PSMD14: variants seen among roughly 807,000 people sequenced by gnomAD.
PSMD14 encodes ubiquitin C-terminal hydrolase PSMD14.
Under a neutral mutation model 41.2 loss-of-function variants are expected in PSMD14, and 7 were observed. The ratio of observed to expected loss-of-function variants is 0.17; its 90% CI spans 0.10 to 0.32. PSMD14 has a LOEUF of 0.32. Ranked by LOEUF, PSMD14 falls within the 10% of genes least tolerant of loss-of-function variation. The probability of loss-of-function intolerance (pLI) is 1.00; values close to 1 mark genes in which losing one functional copy is unlikely to be tolerated. For missense variants in PSMD14, 139 were observed against 375.6 expected, an observed-to-expected ratio of 0.37 and a Z score of 5.21; for synonymous variants, 114 against 122.3, an observed-to-expected ratio of 0.93 and a Z score of 0.45.
intron 9 of PSMD14, 27 bp downstream of exon 9, chr2:161,391,205 A>C: frequency 6.7e-7 from 1 of 1,485,188 alleles, no homozygotes. Context: ...ATCTTATAGG[A>C]GGAAAAAAAT....
rs996965491 is a variant in PSMD14 at position 161,310,515 on chromosome 2, T to G, written c.-138+1911T>G. 5.9e-4 allele frequency among the ~76,000 whole-genome samples: 90 copies of G among 152,220 alleles called. 1 individual carries two copies. Among genetic ancestry groups the G allele is most frequent in the African/African-American group, 2.1e-3 (89 of 41,454 alleles). On this transcript the variant is annotated intron_variant, in intron 1 of 11. Transcript: ENST00000409682. ...TTTTGACATTTCGTATTCTGCTTTG[T>G]GTGTGATACTTTGGTGACCTTATTT...
At chr2:161,395,826 A>C (rs1683786016) in intron 10 of PSMD14, among the ~76,000 whole-genome samples, 1 of 152,230 alleles carries the variant, frequency 6.6e-6, no homozygotes, top group Non-Finnish European at 1.5e-5. Flanking sequence ...CTTTATTTAT[A>C]GGAAAACAGG....
intron 10 of PSMD14, among the ~76,000 whole-genome samples, chr2:161,401,423 G>A (rs79998242): frequency 8.5e-5 from 13 of 152,318 alleles, no homozygotes; most frequent in Admixed American, 6.5e-4. Context: ...TTGACAGAAC[G>A]TAGTTAAATG....
At chr2:161,381,469 A>T (rs952897485) in intron 7 of PSMD14, 4 of 151,866 alleles carry the variant, frequency 2.6e-5, no homozygotes, top group Non-Finnish European at 5.9e-5. Flanking sequence ...AGCTACTGCC[A>T]GAAGTGTTTG....
At chr2:161,337,525 A>G (rs556614260) in intron 3 of PSMD14, among the ~76,000 whole-genome samples, 7 of 152,330 alleles carry the variant, frequency 4.6e-5, no homozygotes, top group African/African-American at 1.7e-4. Context: ...TGGTCTTTCT[A>G]ATTCTAAAGT....
At chr2:161,330,755 C>T (rs570128300) in intron 3 of PSMD14, among the ~76,000 whole-genome samples, 9 of 152,250 alleles carry the variant, frequency 5.9e-5, no homozygotes, top group East Asian at 3.9e-4. Context: ...TGCACAGGCT[C>T]TTCCCTTCAG....
intron 10 of PSMD14, 39 bp downstream of exon 10, chr2:161,395,242 G>A: frequency 6.7e-7 from 1 of 1,485,468 alleles, no homozygotes; most frequent in Non-Finnish European, 9.1e-7. Flanking sequence ...TATAATCTTT[G>A]GAATATGTAT....
chr2:161,329,718 G>A (rs886117976), intron 3 of PSMD14, among the ~76,000 whole-genome samples: 2 of 152,056 alleles, frequency 1.3e-5, no homozygotes, highest in Non-Finnish European at 2.9e-5. Flanking sequence ...CTTATTTGCT[G>A]CTCTTGTGAG....
chr2:161,356,014 A>C (rs567327411), intron 3 of PSMD14, among the ~76,000 whole-genome samples: 1 of 152,016 alleles, frequency 6.6e-6, no homozygotes, highest in East Asian at 1.9e-4. Context: ...TCTCTTCTGA[A>C]TAATATAGTC....
intron 3 of PSMD14, among the ~76,000 whole-genome samples, chr2:161,337,438 G>A (rs1321243867): frequency 2.6e-5 from 4 of 152,168 alleles, no homozygotes; most frequent in Non-Finnish European, 4.4e-5. Flanking sequence ...CCAGTACCAC[G>A]TGGTATGATT....
intron 4 of PSMD14, 107 bp from the exon 5 acceptor site, chr2:161,367,677 A>T: frequency 7.5e-7 from 1 of 1,336,960 alleles, no homozygotes; most frequent in Non-Finnish European, 9.7e-7. Context: ...ACATTTATAA[A>T]AGGAGTTTTT....
intron 7 of PSMD14, among the ~76,000 whole-genome samples, chr2:161,377,058 C>A (rs1683512028): frequency 6.7e-6 from 1 of 148,956 alleles, no homozygotes; most frequent in Non-Finnish European, 1.5e-5. Context: ...TATCCTTGAT[C>A]AATTTGAACC....
chr2:161,323,662 C>CA (rs879763993), intron 3 of PSMD14, among the ~76,000 whole-genome samples: 239 of 129,196 alleles, frequency 1.8e-3, no homozygotes, highest in Middle Eastern at 8.5e-3. Context: ...GACTATGTCT[C>CA]AAAAAAAAAA....
chr2:161,337,785 C>A (rs936054877), intron 3 of PSMD14, among the ~76,000 whole-genome samples: 2 of 152,176 alleles, frequency 1.3e-5, no homozygotes, highest in Non-Finnish European at 2.9e-5. Context: ...GGGGATTAGA[C>A]TATGGATCAG....
At chr2:161,356,709 T>C (rs1208846946) in intron 3 of PSMD14, among the ~76,000 whole-genome samples, 1 of 151,950 alleles carries the variant, frequency 6.6e-6, no homozygotes, top group East Asian at 1.9e-4. Flanking sequence ...ATATGCACTT[T>C]TAAATAGCCA....
intron 7 of PSMD14, among the ~76,000 whole-genome samples, chr2:161,374,392 C>T (rs573810371): frequency 7.2e-5 from 11 of 151,988 alleles, no homozygotes; most frequent in African/African-American, 2.7e-4. Flanking sequence ...TTTGTGACAT[C>T]CCTAGGAGTA....
intron 3 of PSMD14, among the ~76,000 whole-genome samples, chr2:161,360,710 G>A (rs907013512): frequency 2.0e-5 from 3 of 152,024 alleles, no homozygotes; most frequent in Non-Finnish European, 4.4e-5. Flanking sequence ...CTAATTTTTT[G>A]TATTTTTAGT....
intron 10 of PSMD14, among the ~76,000 whole-genome samples, chr2:161,399,439 A>G (rs62188136): frequency 0.16 from 23,785 of 151,972 alleles, 2,242 homozygotes; most frequent in East Asian, 0.3. Context: ...CCTATAAAAT[A>G]TTTATTTTAT....
At chr2:161,348,033 T>C (rs1683068512) in intron 3 of PSMD14, among the ~76,000 whole-genome samples, 1 of 152,134 alleles carries the variant, frequency 6.6e-6, no homozygotes, top group Non-Finnish European at 1.5e-5. Flanking sequence ...GGGCAAAAGA[T>C]ACAAACATTA....
Sources: allele counts gnomAD v4.1 joint callset (sites outside exome capture counted in the v4.1 genomes callset), GRCh38; gene constraint gnomAD v4.1.1; transcripts MANE v1.5; gene names NCBI Gene and HGNC (gene_info 2026-07-23, HGNC 2026-07-21).